Variants in PYHIN1 observed in about 807,000 individuals in gnomAD.
The protein encoded by PYHIN1 is pyrin and HIN domain-containing protein 1.
In PYHIN1, 32 loss-of-function variants were observed where a neutral mutation model predicts 43.7. That is an observed-to-expected ratio of 0.73 (90% CI 0.55 to 0.98). PYHIN1 has a LOEUF of 0.98. PYHIN1 is among the 50% of genes least tolerant of loss of function. PYHIN1 has a pLI of 0.00. For missense variants in PYHIN1, 588 were observed against 589.5 expected, an observed-to-expected ratio of 1.00 and a Z score of 0.03; for synonymous variants, 205 against 203.1, an observed-to-expected ratio of 1.01 and a Z score of -0.08.
chr1:158,957,927 C>G (rs1463678588), intron 7 of PYHIN1, among the ~76,000 whole-genome samples: 1 of 151,722 alleles, frequency 6.6e-6, no homozygotes, highest in East Asian at 1.9e-4. Context: ...CAAACAACCC[C>G]ATCAGAAAGT....
the PYHIN1 span, among the ~76,000 whole-genome samples, chr1:158,982,331 AG>A: frequency 1.3e-5 from 2 of 152,142 alleles, no homozygotes; most frequent in Non-Finnish European, 2.9e-5. Context: ...GGTGAAAGGA[AG>A]GGTTCCAGTT....
At chr1:158,949,334 C>T (rs909182208) in intron 7 of PYHIN1, among the ~76,000 whole-genome samples, 1 of 152,166 alleles carries the variant, frequency 6.6e-6, no homozygotes, top group Non-Finnish European at 1.5e-5. Context: ...CATGACAGAC[C>T]TCCCAGCTAA....
At chr1:158,956,690 G>C (rs1392088856) in intron 7 of PYHIN1, among the ~76,000 whole-genome samples, 1 of 150,908 alleles carries the variant, frequency 6.6e-6, no homozygotes, top group African/African-American at 2.5e-5. Context: ...TTGAAAACTG[G>C]CACAAGACAG....
chr1:158,934,391 G>A (rs886198687), intron 1 of PYHIN1, among the ~76,000 whole-genome samples: 9 of 152,020 alleles, frequency 5.9e-5, no homozygotes, highest in Non-Finnish European at 8.8e-5. Context: ...CAATTTATAT[G>A]GGACTTTGGG....
chr1:158,980,970 C>A (rs750689083), downstream of PYHIN1, among the ~76,000 whole-genome samples: 1 of 152,228 alleles, frequency 6.6e-6, no homozygotes, highest in South Asian at 2.1e-4. Flanking sequence ...AGTCACCCCT[C>A]GTGGCCCAGC....
chr1:158,951,487 C>G (rs1433685254), intron 7 of PYHIN1, among the ~76,000 whole-genome samples: 3 of 152,096 alleles, frequency 2.0e-5, no homozygotes, highest in Non-Finnish European at 2.9e-5. Flanking sequence ...AAAAAGTTTC[C>G]AAGGACAATA....
chr1:158,953,388 A>C (rs1649699581), intron 7 of PYHIN1, among the ~76,000 whole-genome samples: 2 of 150,804 alleles, frequency 1.3e-5, no homozygotes, highest in Non-Finnish European at 3.0e-5. Context: ...TTCTCCCAGC[A>C]CGCAGCTGGA....
Position 158,936,952 on chromosome 1 carries a change from A to G in PYHIN1, c.42A>G (p.Leu14=). 6.2e-7 allele frequency: 1 copy of G among 1,610,492 alleles called. No individual in the cohort carries two copies. Among genetic ancestry groups the G allele is most frequent in the South Asian group, 1.1e-5 (1 of 90,400 alleles). ...AGAAAATTGTTCTACTGAAAGGATT[A>G]GAGGTCATCAATGATTATCATTTTA... ...NYKKIVLLKG[L]EVINDYHFRI... The change falls in exon 2 of 9, where the codon TTA becomes TTG. Residue 14 remains leucine (L), a synonymous_variant. Transcript: ENST00000368140.
In PYHIN1 at chr1:158,970,058, A is replaced by T. The variant is rs1571781839; in HGVS notation, c.1360-3589A>T. Among the ~76,000 whole-genome samples, 5 of 152,080 alleles carry T rather than the reference A, an allele frequency of 3.3e-5. No individual in the cohort carries two copies. The South Asian group carries it at 1.0e-3, about 31-fold the overall frequency. ...AATTTGTGTATGATATAGGTTCATT[A>T]TGCTTTGGGATCTAAACCCCGAAGA... On this transcript the variant is annotated intron_variant, in intron 7 of 8. Coordinates refer to ENST00000368140, the MANE Select transcript of PYHIN1 (RefSeq NM_152501.5).
At chr1:158,980,769 A>G (rs868023761), downstream of PYHIN1, among the ~76,000 whole-genome samples, 3 of 152,092 alleles carry the variant, frequency 2.0e-5, no homozygotes, top group South Asian at 6.2e-4. Flanking sequence ...TTCTGCTTTT[A>G]CCCTTTGTCC....
chr1:158,976,561 T>A (rs1465901032), intron 8 of PYHIN1, 140 bp from the exon 9 acceptor site: 1 of 578,914 alleles, frequency 1.7e-6, no homozygotes, highest in Non-Finnish European at 3.1e-6. Flanking sequence ...AGGAGATAGA[T>A]GAGAATGAGA....
intron 7 of PYHIN1, among the ~76,000 whole-genome samples, chr1:158,948,164 C>G (rs1373583659): frequency 6.6e-6 from 1 of 152,158 alleles, no homozygotes; most frequent in East Asian, 1.9e-4. Flanking sequence ...GGCTTTGCAT[C>G]CTAGAATTAG....
At chr1:158,944,662 A>G (rs559825138) in intron 6 of PYHIN1, among the ~76,000 whole-genome samples, 3 of 152,322 alleles carry the variant, frequency 2.0e-5, no homozygotes, top group African/African-American at 7.2e-5. Context: ...ATAAGTGAAT[A>G]AAGATTTTAT....
chr1:158,985,160 G>T, the PYHIN1 span, among the ~76,000 whole-genome samples: 1 of 152,044 alleles, frequency 6.6e-6, no homozygotes, highest in Non-Finnish European at 1.5e-5. Context: ...TATGTTCAAG[G>T]TTAATATTGA....
intron 7 of PYHIN1, among the ~76,000 whole-genome samples, chr1:158,958,199 G>A (rs1412525165): frequency 3.3e-5 from 5 of 151,784 alleles, no homozygotes; most frequent in East Asian, 1.9e-4. Context: ...TCAGTGTGGC[G>A]ATTCCTCAGG....
intron 7 of PYHIN1, among the ~76,000 whole-genome samples, chr1:158,957,329 G>A (rs1426245488): frequency 6.6e-6 from 1 of 151,898 alleles, no homozygotes; most frequent in African/African-American, 2.4e-5. Context: ...AAAGCTGGAG[G>A]CATCACACTA....
intron 7 of PYHIN1, among the ~76,000 whole-genome samples, chr1:158,952,071 C>CG (rs947325531): frequency 5.3e-5 from 8 of 149,990 alleles, no homozygotes; most frequent in African/African-American, 2.0e-4. Flanking sequence ...GTGGTGGCTG[C>CG]GTTGCGCTTG....
In PYHIN1 at chr1:158,936,873, A is replaced by G. The variant is rs1341751168; in HGVS notation, c.-20-18A>G. Reference sequence around the variant, plus strand: ...TCTGTATACATGTGTAACACTATATACCATTTTTCTCTTGCAGGCTCACTT... The same window carrying G: ...TCTGTATACATGTGTAACACTATATGCCATTTTTCTCTTGCAGGCTCACTT... On this transcript the variant is annotated intron_variant, in intron 1 of 8. Coordinates refer to ENST00000368140, the MANE Select transcript of PYHIN1 (RefSeq NM_152501.5). 1.1e-5 allele frequency: 17 copies of G among 1,510,660 alleles called. No homozygotes were observed. Among genetic ancestry groups the G allele is most frequent in the Non-Finnish European group, 1.5e-5 (17 of 1,124,958 alleles). 93.6% of individuals were successfully genotyped at this position (1,510,660 alleles called of 1,614,324 possible).
At chr1:158,980,799 G>C (rs552400361), downstream of PYHIN1, among the ~76,000 whole-genome samples, 127 of 152,210 alleles carry the variant, frequency 8.3e-4, no homozygotes, top group Middle Eastern at 3.4e-3. Context: ...AGAAGTATGT[G>C]ATCTTTGTTA....
Sources: gnomAD v4.1 joint callset for allele counts (sites outside exome capture counted in the v4.1 genomes callset) on GRCh38, gnomAD v4.1.1 for gene constraint, MANE v1.5 for transcripts, NCBI Gene and HGNC (gene_info 2026-07-23, HGNC 2026-07-21) for gene names.